The following SMARCA2 variants were observed in gnomAD, a reference collection of about 807,000 sequenced individuals.
The protein encoded by SMARCA2 is SWI/SNF-related matrix-associated actin-dependent regulator of chromatin subfamily A member 2.
SMARCA2 carries 61 observed loss-of-function variants against 199.8 expected under a neutral mutation model. The observed-to-expected ratio is 0.31, with a 90% confidence interval of 0.25 to 0.38. The LOEUF (loss-of-function observed/expected upper bound fraction) is 0.38, where lower values mean the gene tolerates loss of function less well. Among genes scored for constraint, SMARCA2 ranks in the 10% least tolerant of loss-of-function variants. The probability of loss-of-function intolerance (pLI) is 1.00; values close to 1 mark genes in which losing one functional copy is unlikely to be tolerated. For missense variants in SMARCA2, 1,344 were observed against 2,012.2 expected (o/e 0.67, Z 6.35); for synonymous variants, 935 against 732.0 (o/e 1.28, Z -4.48).
chr9:2,051,477 G>A (rs1820116705), intron 5 of SMARCA2, among the ~76,000 whole-genome samples: 1 of 151,882 alleles, frequency 6.6e-6, no homozygotes, highest in Non-Finnish European at 1.5e-5. Flanking sequence ...CCTCATTTCC[G>A]CTCCACTTCC....
Position 2,032,944 on chromosome 9 carries a change from T to A in SMARCA2, c.226-8T>A. 6.2e-7 allele frequency: 1 copy of A among 1,613,060 alleles called. No homozygotes were observed. The highest frequency in any genetic ancestry group is 1.1e-5 in the South Asian group (1 of 90,950). On this transcript the variant is annotated splice_region_variant and splice_polypyrimidine_tract_variant and intron_variant, in intron 2 of 33. Transcript: ENST00000349721. ...AGGTGTCTAACTAATGTCCTTTAAA[T>A]GTTTCAGCCCATCGATGGTATACAT... is the stretch of plus-strand genomic sequence containing the variant.
In SMARCA2 at chr9:2,056,936, C is replaced by T. The variant is rs1364620016; in HGVS notation, c.1347+91C>T. On this transcript the variant is annotated intron_variant, in intron 7 of 33. Coordinates refer to ENST00000349721, the MANE Select transcript of SMARCA2 (RefSeq NM_003070.5). This position sits in a 1 kb window ranked among gnomAD's most constrained non-coding sequence, Gnocchi z 4.0. ...GGGTCAGAATGACTGAAAAATGGACCCTTGTGGGTGGTGGGGACATCACAG... is the reference window on the plus strand; with the variant it reads ...GGGTCAGAATGACTGAAAAATGGACTCTTGTGGGTGGTGGGGACATCACAG... The T allele has an allele frequency of 1.4e-5, 16 of 1,178,874 alleles. No individual in the cohort carries two copies. The highest frequency in any genetic ancestry group is 1.9e-5 in the Non-Finnish European group (16 of 832,490). The allele number at this position is 1,178,874 out of a possible 1,614,324, so 73.0% of individuals were successfully genotyped here.
chr9:2,091,716 C>T (rs1822070414), intron 19 of SMARCA2, among the ~76,000 whole-genome samples: 3 of 152,208 alleles, frequency 2.0e-5, no homozygotes, highest in African/African-American at 7.2e-5. Flanking sequence ...GGTAGTCCCA[C>T]CAGAAATATA....
intron 23 of SMARCA2, among the ~76,000 whole-genome samples, chr9:2,109,304 G>A (rs1822887463): frequency 6.6e-6 from 1 of 152,030 alleles, no homozygotes; most frequent in Non-Finnish European, 1.5e-5. Flanking sequence ...AGCTTTTCTG[G>A]TGAAATATGT....
chr9:2,123,944 C>G lies in SMARCA2; in HGVS notation c.3981+7C>G, dbSNP rs1823576044. On this transcript the variant is annotated splice_region_variant and intron_variant, in intron 27 of 33. Transcript: ENST00000349721. This position sits in a 1 kb window ranked among gnomAD's most constrained non-coding sequence, Gnocchi z 4.1. ...GGAGAAGCAGTGGCTAAGGGTAAGC[C>G]TAGCTTTTCTAACCCGCTCTCACTA... 1 of 1,554,008 alleles carries G rather than the reference C, an allele frequency of 6.4e-7. No homozygotes were observed. The highest frequency in any genetic ancestry group is 2.4e-5 in the East Asian group (1 of 41,596).
At chr9:2,102,132 AGTGTGTGTGTGTGT>A (rs71327397) in intron 22 of SMARCA2, among the ~76,000 whole-genome samples, 1 of 148,112 alleles carries the variant, frequency 6.8e-6, no homozygotes, top group East Asian at 2.0e-4. Context: ...ATTAACAGAA[AGTGTGTGTGTGTGT>A]GTGTGTGTGT....
At chr9:2,077,165 C>G (rs981297023) in intron 13 of SMARCA2, among the ~76,000 whole-genome samples, 1 of 152,080 alleles carries the variant, frequency 6.6e-6, no homozygotes, top group Non-Finnish European at 1.5e-5. Flanking sequence ...TTCCTCCTTC[C>G]TACCCCTTTA....
intron 17 of SMARCA2, among the ~76,000 whole-genome samples, chr9:2,085,036 C>G (rs568005401): frequency 6.6e-6 from 1 of 152,188 alleles, no homozygotes; most frequent in African/African-American, 2.4e-5. Flanking sequence ...TTGAATAGAA[C>G]CTCTATTTCT....
chr9:2,049,083 TCCATTTGAATTACCAGTA>T (rs1352289154), intron 5 of SMARCA2, among the ~76,000 whole-genome samples: 1 of 152,162 alleles, frequency 6.6e-6, no homozygotes, highest in Non-Finnish European at 1.5e-5. Flanking sequence ...ATTTTTTTTT[TCCATTTGAATTACCAGTA>T]CCTTTGTTAA....
rs964843832 is a variant in SMARCA2, at chr9:2,096,056, G to C, written c.2884-601G>C. Among the ~76,000 whole-genome samples, 3 of 152,284 alleles carry C rather than the reference G, an allele frequency of 2.0e-5. No individual in the cohort carries two copies. The East Asian group carries it at 5.8e-4, about 29-fold the overall frequency. On this transcript the variant is annotated intron_variant, in intron 19 of 33. Coordinates refer to ENST00000349721, the MANE Select transcript of SMARCA2 (RefSeq NM_003070.5). ...CAGGAGGCCTTGTCCTCCTTTAGATGACCATAAAGTAGTGTCCAATTGTGG... is the reference window on the plus strand; with the variant it reads ...CAGGAGGCCTTGTCCTCCTTTAGATCACCATAAAGTAGTGTCCAATTGTGG...
chr9:2,142,568 T>A (rs1163773294), intron 27 of SMARCA2, among the ~76,000 whole-genome samples: 2 of 152,158 alleles, frequency 1.3e-5, no homozygotes, highest in Admixed American at 6.5e-5. Context: ...AGGAGGTCAG[T>A]CCAAACCAAT....
chr9:2,172,072 C>T (rs1826276263), intron 29 of SMARCA2, among the ~76,000 whole-genome samples: 1 of 152,148 alleles, frequency 6.6e-6, no homozygotes, highest in South Asian at 2.1e-4. Flanking sequence ...TGGAGTCTGT[C>T]TTGTCCCTTG....
At chr9:2,022,766 C>G (rs964694561) in intron 1 of SMARCA2, among the ~76,000 whole-genome samples, 1 of 152,102 alleles carries the variant, frequency 6.6e-6, no homozygotes, top group African/African-American at 2.4e-5. Context: ...TGCAAAAGGG[C>G]CTAACCTAGG....
chr9:2,048,603 C>G (rs908809228), intron 5 of SMARCA2, among the ~76,000 whole-genome samples: 1 of 152,196 alleles, frequency 6.6e-6, no homozygotes, highest in African/African-American at 2.4e-5. Flanking sequence ...GACTAAAATA[C>G]TAAGTTACCA....
At chr9:2,097,156 T>C in intron 20 of SMARCA2, 2 of 512,510 alleles carry the variant, frequency 3.9e-6, no homozygotes, top group Non-Finnish European at 6.9e-6. Context: ...TCACTGGACA[T>C]AATCCTTCAA....
At chr9:2,042,702 T>C (rs1372455369) in intron 4 of SMARCA2, 1 of 151,942 alleles carries the variant, frequency 6.6e-6, no homozygotes, top group African/African-American at 2.4e-5. Context: ...ACATCTTTCG[T>C]CATCAGGTGC....
At chr9:2,032,856 C>T in intron 2 of SMARCA2, 96 bp from the exon 3 acceptor site, 1 of 1,151,622 alleles carries the variant, frequency 8.7e-7, no homozygotes, top group Non-Finnish European at 1.2e-6. Flanking sequence ...ATGATAGTGC[C>T]ACACTTTTAA....
chr9:2,144,275 A>G (rs754876849), intron 27 of SMARCA2, among the ~76,000 whole-genome samples: 1 of 152,042 alleles, frequency 6.6e-6, no homozygotes, highest in Non-Finnish European at 1.5e-5. Flanking sequence ...GAGGAGAGGG[A>G]AACAGTTGTG....
chr9:2,056,984 T>A lies in SMARCA2; in HGVS notation c.1347+139T>A. 1 of 709,854 alleles carries A rather than the reference T, an allele frequency of 1.4e-6. No homozygotes were observed. The highest frequency in any genetic ancestry group is 2.3e-6 in the Non-Finnish European group (1 of 433,438). 44.0% of individuals were successfully genotyped at this position (709,854 alleles called of 1,614,324 possible). ...CAGAACAGAACGGTTCCTTGACATG[T>A]ACATAATCCAACCACATCATTTTAT... On this transcript the variant is annotated intron_variant, in intron 7 of 33. Transcript: ENST00000349721. The surrounding 1 kb of genome is among the most constrained non-coding windows in gnomAD (Gnocchi z 4.0).
Sources: gnomAD v4.1 joint callset for allele counts (sites outside exome capture counted in the v4.1 genomes callset) on GRCh38, gnomAD v4.1.1 for gene constraint, Gnocchi (gnomAD v3.1) non-coding constraint, MANE v1.5 for transcripts, NCBI Gene and HGNC (gene_info 2026-07-23, HGNC 2026-07-21) for gene names.